LYST: variants seen among roughly 807,000 people sequenced by gnomAD.
LYST encodes lysosomal trafficking regulator.
A neutral mutation model predicts 413.6 loss-of-function variants in LYST; 192 were observed. The ratio of observed to expected loss-of-function variants is 0.46; its 90% CI spans 0.41 to 0.52. The LOEUF is 0.52. LYST is among the 20% of genes least tolerant of loss of function. LYST has a pLI of 0.00. For synonymous variants in LYST, 1,525 were observed against 1,567.3 expected (o/e 0.97, Z 0.64); for missense variants, 3,815 against 4,499.9 (o/e 0.85, Z 4.35).
At chr1:235,679,101 G>A (rs181517968) in intron 48 of LYST, among the ~76,000 whole-genome samples, 4 of 152,276 alleles carry the variant, frequency 2.6e-5, no homozygotes, top group African/African-American at 9.6e-5. Context: ...TGTAACAACT[G>A]GCTTGAGCTG....
chr1:235,861,272 C>T (rs956170881), intron 1 of LYST, among the ~76,000 whole-genome samples: 2 of 152,084 alleles, frequency 1.3e-5, no homozygotes, highest in African/African-American at 4.8e-5. Context: ...TTATTTGATT[C>T]CTTTCTTGAT....
In LYST at chr1:235,701,400, C is replaced by T. The variant is rs771619563; in HGVS notation, c.10374+1347G>A. 9.2e-5 allele frequency among the ~76,000 whole-genome samples: 14 copies of T among 152,178 alleles called. No homozygotes were observed. The South Asian group carries it at 2.1e-3, about 23-fold the overall frequency. Reference sequence around the variant, plus strand: ...ATCCCAGCACTTTGGGAGGCCGAGGCGGGCAGATCATGAGGCCAGGAGTTC... The same window carrying T: ...ATCCCAGCACTTTGGGAGGCCGAGGTGGGCAGATCATGAGGCCAGGAGTTC... On this transcript the variant is annotated intron_variant, in intron 45 of 52. Coordinates refer to ENST00000389793, the MANE Select transcript of LYST (RefSeq NM_000081.4).
In LYST at chr1:235,702,548, G is replaced by A. The variant is rs12064933; in HGVS notation, c.10374+199C>T. On this transcript the variant is annotated intron_variant, in intron 45 of 52. Transcript: ENST00000389793. Reference sequence around the variant, plus strand: ...AACGATGAATTCTTTTTTCCTCTGAGCTCCCCAAAGCACTCTCTCATATCG... The same window carrying A: ...AACGATGAATTCTTTTTTCCTCTGAACTCCCCAAAGCACTCTCTCATATCG... Among the ~76,000 whole-genome samples the A allele has an allele frequency of 7.7e-3, 1,165 of 152,202 alleles. 14 individuals are homozygous for A. The highest frequency in any genetic ancestry group is 0.027 in the African/African-American group (1,107 of 41,526).
intron 3 of LYST, chr1:235,828,741 C>G: frequency 1.1e-6 from 1 of 912,688 alleles, no homozygotes; most frequent in Non-Finnish European, 1.3e-6. Context: ...TGGGGAAGAA[C>G]AGAGCATGGT....
At chr1:235,696,031 A>G (rs1441072782) in intron 46 of LYST, among the ~76,000 whole-genome samples, 1 of 152,210 alleles carries the variant, frequency 6.6e-6, no homozygotes, top group African/African-American at 2.4e-5. Flanking sequence ...AACTAATTGT[A>G]ACATACTAGT....
intron 1 of LYST, among the ~76,000 whole-genome samples, 153 bp downstream of exon 1, chr1:235,866,690 C>T (rs1285561433): frequency 7.4e-6 from 1 of 134,758 alleles, no homozygotes; most frequent in African/African-American, 4.0e-5. Context: ...AGGCCGAGTG[C>T]CCTCGCGCCC....
chr1:235,830,453 G>T (rs1217049573), intron 2 of LYST, 29 bp from the exon 3 acceptor site: 5 of 1,450,566 alleles, frequency 3.4e-6, no homozygotes, highest in Non-Finnish European at 4.8e-6. Flanking sequence ...AAAAAAAAAA[G>T]ATTAGGAAAA....
rs1268244676 is a variant in LYST at position 235,661,873 on chromosome 1, A to G, written c.*1067T>C. 6.6e-6 allele frequency: 1 copy of G among 152,622 alleles called. No individual in the cohort carries two copies. The highest frequency in any genetic ancestry group is 1.9e-4 in the East Asian group (1 of 5,196). The allele number at this position is 152,622 out of a possible 1,614,324, so 9.5% of individuals were successfully genotyped here. A position where few individuals can be genotyped will look rare whatever the true frequency, so the allele number is the denominator to read the frequency against. Reference sequence around the variant, plus strand: ...AGGAATTCTGTCTTTATGGTATGTAAGTTTGCTGTGGAATACACGAGATTT... The same window carrying G: ...AGGAATTCTGTCTTTATGGTATGTAGGTTTGCTGTGGAATACACGAGATTT... On this transcript the variant is annotated 3_prime_UTR_variant, in exon 53 of 53. Transcript: ENST00000389793.
At chr1:235,692,870 A>C (rs1293218548) in intron 47 of LYST, among the ~76,000 whole-genome samples, 3 of 151,904 alleles carry the variant, frequency 2.0e-5, no homozygotes, top group African/African-American at 7.3e-5. Flanking sequence ...ATAATATAAA[A>C]ATTATCCAGG....
chr1:235,677,310 T>C (rs192033648), intron 49 of LYST, 122 bp from the exon 50 acceptor site: 4 of 1,057,302 alleles, frequency 3.8e-6, no homozygotes, highest in Non-Finnish European at 5.8e-6. Context: ...TTTTCCTATC[T>C]GATTGTATGA....
chr1:235,808,933 A>G lies in LYST; in HGVS notation c.1885T>C (p.Ser629Pro). The G allele has an allele frequency of 6.2e-7, 1 of 1,612,564 alleles. No homozygotes were observed. The highest frequency in any genetic ancestry group is 8.5e-7 in the Non-Finnish European group (1 of 1,179,106). Residue 629 changes from serine (S) to proline (P), a missense_variant, in exon 5 of 53, where the codon TCA (serine) becomes CCA (proline). By Grantham distance (74) the Ser-to-Pro change is moderately conservative. Around this residue, in one of 4 missense-constraint regions of LYST, gnomAD observed 1,648 missense variants for 1,810.3 expected, o/e 0.91. Transcript: ENST00000389793. ...CAAGCTGCTTTTTTAATTTTTGGTG[A>G]TATCTCTGCTCCTCCTAACTGATCC... ...ILDQLGGAEI[S>P]PKIKKAACNI... is the part of the protein sequence containing the mutation.
chr1:235,834,951 T>C (rs1393096653), intron 1 of LYST, among the ~76,000 whole-genome samples: 2 of 152,014 alleles, frequency 1.3e-5, no homozygotes, highest in African/African-American at 4.8e-5. Flanking sequence ...GTTTCACCCT[T>C]TCGCCCAGGC....
At chr1:235,774,683 G>GTTTC (rs941984546) in intron 18 of LYST, among the ~76,000 whole-genome samples, 3 of 152,028 alleles carry the variant, frequency 2.0e-5, no homozygotes, top group Non-Finnish European at 2.9e-5. Context: ...AATTCAATGA[G>GTTTC]TTTCTTTCTT....
intron 14 of LYST, among the ~76,000 whole-genome samples, chr1:235,786,375 C>T (rs1034764016): frequency 4.6e-5 from 7 of 152,082 alleles, no homozygotes; most frequent in African/African-American, 1.7e-4. Context: ...GTTAGAATGG[C>T]AATCATTAAA....
Position 235,733,627 on chromosome 1 carries a change from C to G in LYST, c.8677G>C (p.Ala2893Pro). 1.2e-6 allele frequency: 2 copies of G among 1,613,654 alleles called. No individual in the cohort carries two copies. The highest frequency in any genetic ancestry group is 1.7e-6 in the Non-Finnish European group (2 of 1,179,710). The change falls in exon 34 of 53, where the codon GCA becomes CCA. Residue 2893 changes from alanine (A) to proline (P), a missense_variant. Around this residue, in one of 4 missense-constraint regions of LYST, gnomAD observed 866 missense variants for 1,156.0 expected, o/e 0.75. Coordinates refer to ENST00000389793, the MANE Select transcript of LYST (RefSeq NM_000081.4). ...TCATTTCCTTGGGAGAGAGACACTG[C>G]CTGGGTGATATCTGCAGCTATTTTA... ...ISKIAADITQ[A>P]VSLSQGNERK...
chr1:235,860,781 A>G (rs1206348620), intron 1 of LYST, among the ~76,000 whole-genome samples: 1 of 152,212 alleles, frequency 6.6e-6, no homozygotes, highest in Non-Finnish European at 1.5e-5. Context: ...CATCAAATCA[A>G]GATAGTAAAC....
intron 1 of LYST, among the ~76,000 whole-genome samples, chr1:235,855,145 AC>A (rs1679019451): frequency 1.3e-5 from 2 of 152,064 alleles, no homozygotes; most frequent in South Asian, 4.1e-4. Context: ...CTTATCACTC[AC>A]CACACTGTAC....
intron 31 of LYST, chr1:235,737,494 T>A (rs2103238278): frequency 6.6e-6 from 1 of 152,282 alleles, no homozygotes; most frequent in African/African-American, 2.4e-5. Flanking sequence ...AATACTATCA[T>A]CTCCTTAAAA....
chr1:235,827,783 A>T lies in LYST; in HGVS notation c.192+2443T>A, dbSNP rs992595129. ...AAAATATTTAACTTATGACCTAAAT[A>T]ATTTTAGTCATTTAATATCTTAAAA... On this transcript the variant is annotated intron_variant, in intron 3 of 52. Transcript: ENST00000389793. 4 of 894,916 alleles carry T rather than the reference A, an allele frequency of 4.5e-6. No homozygotes were observed. In the African/African-American group the frequency reaches 7.2e-5, roughly 16 times the overall value. The allele number at this position is 894,916 out of a possible 1,614,324, so 55.4% of individuals were successfully genotyped here. A position where few individuals can be genotyped will look rare whatever the true frequency, so the allele number is the denominator to read the frequency against.
Sources: allele counts gnomAD v4.1 joint callset (sites outside exome capture counted in the v4.1 genomes callset), GRCh38; gene constraint gnomAD v4.1.1; regional missense constraint gnomAD v4.1.1; transcripts MANE v1.5; gene names NCBI Gene and HGNC (gene_info 2026-07-23, HGNC 2026-07-21).